FLVCR2: variants seen among roughly 807,000 people sequenced by gnomAD.
FLVCR2 encodes choline/ethanolamine transporter FLVCR2.
FLVCR2 carries 38 observed loss-of-function variants against 48.9 expected under a neutral mutation model. The ratio of observed to expected loss-of-function variants is 0.78; its 90% CI spans 0.60 to 1.02. The LOEUF (loss-of-function observed/expected upper bound fraction) is 1.02, where lower values mean the gene tolerates loss of function less well. Among genes scored for constraint, FLVCR2 ranks in the 50% least tolerant of loss-of-function variants. FLVCR2 has a pLI of 0.00. For missense variants in FLVCR2, 664 were observed against 663.3 expected, an observed-to-expected ratio of 1.00 and a Z score of -0.01; for synonymous variants, 255 against 257.0, an observed-to-expected ratio of 0.99 and a Z score of 0.07.
At chr14:75,614,595 G>T (rs1165570020) in intron 1 of FLVCR2, among the ~76,000 whole-genome samples, 1 of 152,310 alleles carries the variant, frequency 6.6e-6, no homozygotes, top group African/African-American at 2.4e-5. Flanking sequence ...CAATCTGGCT[G>T]GAATATAGGG....
chr14:75,616,795 C>T (rs1420061246), intron 1 of FLVCR2, among the ~76,000 whole-genome samples: 2 of 152,202 alleles, frequency 1.3e-5, no homozygotes, highest in Non-Finnish European at 2.9e-5. Context: ...CAGGATCCAC[C>T]TTGCCAGTGG....
At chr14:75,591,254 A>G (rs934839675) in intron 1 of FLVCR2, among the ~76,000 whole-genome samples, 1 of 152,170 alleles carries the variant, frequency 6.6e-6, no homozygotes. Flanking sequence ...TGTTGCCCAT[A>G]GTGGTCTCGA....
chr14:75,610,704 G>A (rs1484224756), intron 1 of FLVCR2, among the ~76,000 whole-genome samples: 2 of 152,212 alleles, frequency 1.3e-5, no homozygotes, highest in African/African-American at 4.8e-5. Flanking sequence ...CTAGTATGCA[G>A]CAGGTGCTCA....
chr14:75,604,516 A>G (rs544528184), intron 1 of FLVCR2, among the ~76,000 whole-genome samples: 1 of 152,186 alleles, frequency 6.6e-6, no homozygotes, highest in African/African-American at 2.4e-5. Flanking sequence ...TAAGCCTAGG[A>G]GTTCAAGACC....
At chr14:75,639,920 A>C (rs899268042) in intron 6 of FLVCR2, among the ~76,000 whole-genome samples, 1 of 152,184 alleles carries the variant, frequency 6.6e-6, no homozygotes, top group African/African-American at 2.4e-5. Flanking sequence ...ACAGATTGAG[A>C]AAGATAATAG....
At chr14:75,598,139 C>T (rs1198016453) in intron 1 of FLVCR2, among the ~76,000 whole-genome samples, 3 of 151,892 alleles carry the variant, frequency 2.0e-5, no homozygotes, top group African/African-American at 2.4e-5. Flanking sequence ...GCCACTGCAC[C>T]CAGCTGGTCA....
At chr14:75,593,349 T>C (rs1466184547) in intron 1 of FLVCR2, among the ~76,000 whole-genome samples, 4 of 152,244 alleles carry the variant, frequency 2.6e-5, no homozygotes, top group African/African-American at 9.6e-5. Context: ...CTCACTGTTC[T>C]GTAGGCTGGG....
intron 1 of FLVCR2, among the ~76,000 whole-genome samples, chr14:75,607,757 T>C (rs989446362): frequency 1.3e-5 from 2 of 152,042 alleles, no homozygotes; most frequent in African/African-American, 4.8e-5. Flanking sequence ...GTGTTGACTT[T>C]TAGTGCCCTT....
chr14:75,597,031 C>T (rs1889040090), intron 1 of FLVCR2, among the ~76,000 whole-genome samples: 1 of 152,098 alleles, frequency 6.6e-6, no homozygotes, highest in Admixed American at 6.5e-5. Context: ...TCTGTAATCC[C>T]AGCACTTTGG....
chr14:75,624,784 G>T, intron 3 of FLVCR2, 32 bp downstream of exon 3: 1 of 1,612,982 alleles, frequency 6.2e-7, no homozygotes, highest in Non-Finnish European at 8.5e-7. Context: ...GAATGCATTC[G>T]AGCTGGAAAT....
intron 1 of FLVCR2, among the ~76,000 whole-genome samples, chr14:75,607,747 G>T (rs574109398): frequency 6.6e-6 from 1 of 152,026 alleles, no homozygotes; most frequent in African/African-American, 2.4e-5. Flanking sequence ...TATTTTGCCA[G>T]TGTTGACTTT....
chr14:75,610,955 G>A (rs1011268057), intron 1 of FLVCR2, among the ~76,000 whole-genome samples: 1 of 152,188 alleles, frequency 6.6e-6, no homozygotes, highest in Non-Finnish European at 1.5e-5. Flanking sequence ...GGTTTGAGCT[G>A]CACAGTTCTA....
In FLVCR2 at chr14:75,632,739, G is replaced by A. The variant is rs1958860232; in HGVS notation, c.953-890G>A. On this transcript the variant is annotated intron_variant, in intron 3 of 9. Coordinates refer to ENST00000238667, the MANE Select transcript of FLVCR2 (RefSeq NM_017791.3). Reference sequence around the variant, plus strand: ...GTAGTCTTGTGAGCCTCAATGTTTAGTTAAAGTTAGAAAGACCCCCGGTGG... The same window carrying A: ...GTAGTCTTGTGAGCCTCAATGTTTAATTAAAGTTAGAAAGACCCCCGGTGG... The A allele has an allele frequency of 7.1e-6, 5 of 702,190 alleles. No homozygotes were observed. In the South Asian group the frequency reaches 7.4e-5, roughly 10 times the overall value. 43.5% of individuals were successfully genotyped at this position (702,190 alleles called of 1,614,324 possible).
At chr14:75,624,475 TTTAA>T (rs1889846834) in intron 2 of FLVCR2, 133 bp from the exon 3 acceptor site, 2 of 1,007,574 alleles carry the variant, frequency 2.0e-6, no homozygotes, top group Admixed American at 1.7e-5. Context: ...CTGTTAAGGG[TTTAA>T]TTAAAGAATT....
intron 1 of FLVCR2, among the ~76,000 whole-genome samples, chr14:75,595,604 G>C (rs919415486): frequency 2.0e-5 from 3 of 152,202 alleles, no homozygotes; most frequent in African/African-American, 7.2e-5. Flanking sequence ...CAAGGTCTGA[G>C]GGAAGTTTGC....
At position 75,624,715 on chromosome 14, in the gene FLVCR2, C is replaced by A. The variant is rs1485071935; in HGVS notation, c.915C>A (p.Phe305Leu). The change falls in exon 3 of 10, where the codon TTC (phenylalanine) becomes TTA (leucine). Residue 305 changes from phenylalanine (F) to leucine (L), a missense_variant. Phe to Leu is a conservative substitution (Grantham distance 22, BLOSUM62 0). Transcript: ENST00000238667. ...ACTTAGGTTCCATCGCCCGGCTCTT[C>A]AAAAATCTCAACTTTGTGCTGCTTG... ...ASYLGSIARL[F>L]KNLNFVLLVI... 1.2e-6 allele frequency: 2 copies of A among 1,614,094 alleles called. No homozygotes were observed. The highest frequency in any genetic ancestry group is 4.5e-5 in the East Asian group (2 of 44,872).
chr14:75,611,565 G>A (rs552883526), intron 1 of FLVCR2, among the ~76,000 whole-genome samples: 12 of 152,088 alleles, frequency 7.9e-5, no homozygotes, highest in African/African-American at 9.6e-5. Context: ...GTGAAACCCC[G>A]TCTCTCCTAA....
At chr14:75,644,079 T>G (rs542457908) in intron 9 of FLVCR2, among the ~76,000 whole-genome samples, 1 of 151,794 alleles carries the variant, frequency 6.6e-6, no homozygotes, top group Non-Finnish European at 1.5e-5. Flanking sequence ...TTTGGTACAC[T>G]TGGGTAAATA....
intron 5 of FLVCR2, among the ~76,000 whole-genome samples, chr14:75,638,626 T>C (rs909504066): frequency 5.3e-5 from 8 of 152,116 alleles, no homozygotes; most frequent in African/African-American, 1.9e-4. Context: ...CGCCACCTCA[T>C]CATGGCTGAT....
Sources: gnomAD v4.1 joint callset for allele counts (sites outside exome capture counted in the v4.1 genomes callset) on GRCh38, gnomAD v4.1.1 for gene constraint, MANE v1.5 for transcripts, NCBI Gene and HGNC (gene_info 2026-07-23, HGNC 2026-07-21) for gene names.